CLINT1: variants seen among roughly 807,000 people sequenced by gnomAD.
CLINT1 encodes clathrin interactor 1, also known as clathrin interacting protein localized in the trans-Golgi region.
In CLINT1, 15 loss-of-function variants were observed where a neutral mutation model predicts 70.4. The observed-to-expected ratio is 0.21, with a 90% confidence interval of 0.14 to 0.33. The LOEUF is 0.33. Among genes scored for constraint, CLINT1 ranks in the 10% least tolerant of loss-of-function variants. CLINT1 has a pLI of 1.00. For synonymous variants in CLINT1, 227 were observed against 254.7 expected (o/e 0.89, Z 1.04); for missense variants, 615 against 778.1 (o/e 0.79, Z 2.49).
In CLINT1 at chr5:157,817,553, G is replaced by T; in HGVS notation, c.42-6C>A. On this transcript the variant is annotated splice_polypyrimidine_tract_variant and splice_region_variant and intron_variant, in intron 1 of 11. Transcript: ENST00000411809. ...AATTCATAACAACATTGGTGCTGTAGAGGAAAAAAATGCACGCACACATGC... is the reference window on the plus strand; with the variant it reads ...AATTCATAACAACATTGGTGCTGTATAGGAAAAAAATGCACGCACACATGC... 1 of 1,578,192 alleles carries T rather than the reference G, an allele frequency of 6.3e-7. No individual in the cohort carries two copies.
intron 1 of CLINT1, among the ~76,000 whole-genome samples, chr5:157,854,103 C>CT (rs1157035585): frequency 2.6e-5 from 4 of 152,152 alleles, no homozygotes; most frequent in Non-Finnish European, 1.5e-5. Context: ...TGACAACTAT[C>CT]TTACTATCTC....
chr5:157,796,435 A>G (rs1762069751), intron 8 of CLINT1, among the ~76,000 whole-genome samples: 1 of 152,124 alleles, frequency 6.6e-6, no homozygotes, highest in African/African-American at 2.4e-5. Context: ...AGTCGTCCTT[A>G]TTTTTGTCTG....
At chr5:157,805,353 T>C (rs1266239339) in intron 7 of CLINT1, among the ~76,000 whole-genome samples, 1 of 152,194 alleles carries the variant, frequency 6.6e-6, no homozygotes, top group East Asian at 1.9e-4. Flanking sequence ...TTCATCTCTA[T>C]GGTAAATAAA....
Position 157,787,765 on chromosome 5 carries a change from C to T in CLINT1, c.1759G>A (p.Ala587Thr), listed in dbSNP as rs759387255. Residue 587 changes from alanine to threonine, a missense_variant, in exon 12 of 12, where the codon GCT becomes ACT. This residue lies in a region of CLINT1 where 374 missense variants were observed against 409.6 expected (regional missense o/e 0.91). Transcript: ENST00000411809. The part of the protein sequence containing the change: ...MGMNMNIGMS[A>T]AGMGLTGTMG... Reference sequence around the variant, plus strand: ...GTGCCTGTCAAGCCCATCCCAGCAGCGGACATCCCTATGTTCATGTTCATG... The same window carrying T: ...GTGCCTGTCAAGCCCATCCCAGCAGTGGACATCCCTATGTTCATGTTCATG... The T allele has an allele frequency of 8.6e-5, 138 of 1,614,010 alleles. No individual in the cohort carries two copies. The highest frequency in any genetic ancestry group is 3.3e-5 in the Non-Finnish European group (39 of 1,179,878).
intron 3 of CLINT1, among the ~76,000 whole-genome samples, chr5:157,815,026 G>T (rs1459612497): frequency 7.3e-6 from 1 of 136,296 alleles, no homozygotes; most frequent in African/African-American, 2.7e-5. Flanking sequence ...GAGAAACTCT[G>T]TCTCAAAAAA....
chr5:157,798,659 TAATA>T (rs554358040), intron 8 of CLINT1, among the ~76,000 whole-genome samples: 153 of 152,264 alleles, frequency 1.0e-3, no homozygotes, highest in African/African-American at 3.5e-3. Context: ...TGAATACTCC[TAATA>T]AATAAAGAAC....
intron 1 of CLINT1, among the ~76,000 whole-genome samples, chr5:157,854,525 C>A (rs995878269): frequency 1.3e-5 from 2 of 152,130 alleles, no homozygotes; most frequent in East Asian, 1.9e-4. Flanking sequence ...CTGAGTGTGA[C>A]CCTGTCTCAA....
At chr5:157,788,965 TCAGAAAAAA>T in intron 11 of CLINT1, among the ~76,000 whole-genome samples, 1 of 78,428 alleles carries the variant, frequency 1.3e-5, no homozygotes. Context: ...AGACTCCATC[TCAGAAAAAA>T]AAAAAAAAAA....
chr5:157,829,247 G>A (rs1425043673), intron 1 of CLINT1, among the ~76,000 whole-genome samples: 1 of 152,116 alleles, frequency 6.6e-6, no homozygotes, highest in Non-Finnish European at 1.5e-5. Flanking sequence ...AGGAAAGACT[G>A]GGAATGACAG....
At chr5:157,853,777 CAAAAAAAAA>C (rs11316474) in intron 1 of CLINT1, among the ~76,000 whole-genome samples, 1 of 48,044 alleles carries the variant, frequency 2.1e-5, no homozygotes, top group African/African-American at 7.3e-5. Context: ...GACACCATCT[CAAAAAAAAA>C]AAAAAAAAAA....
At position 157,787,842 on chromosome 5, in the gene CLINT1, A is replaced by G; in HGVS notation, c.1682T>C (p.Met561Thr). ...AGTATTTCCAAGAGGGGCCATTCCCATGGTGCCAGTCATCACATTGGGCAT... is the reference window on the plus strand; with the variant it reads ...AGTATTTCCAAGAGGGGCCATTCCCGTGGTGCCAGTCATCACATTGGGCAT... ...MSMPNVMTGT[M>T]GMAPLGNTPM... The change falls in exon 12 of 12, where the codon ATG (methionine) becomes ACG (threonine). Residue 561 changes from methionine (M) to threonine (T), a missense_variant. Physicochemically the swap from Met to Thr is moderately conservative, Grantham distance 81. Transcript: ENST00000411809. 6.2e-7 allele frequency: 1 copy of G among 1,613,868 alleles called. No individual in the cohort carries two copies.
chr5:157,809,497 T>TAAAAAAAAAAAAAAAAA (rs60217753), intron 6 of CLINT1, 131 bp downstream of exon 6: 1 of 476,366 alleles, frequency 2.1e-6, no homozygotes, highest in Non-Finnish European at 3.4e-6. Flanking sequence ...TGAAGTCTAT[T>TAAAAAAAAAAAAAAAAA]AAAAAAAAAA....
intron 1 of CLINT1, among the ~76,000 whole-genome samples, chr5:157,845,086 C>A (rs1263765661): frequency 6.6e-6 from 1 of 152,200 alleles, no homozygotes; most frequent in East Asian, 1.9e-4. Context: ...CAGTGGCTCA[C>A]GCCTGTAATC....
intron 6 of CLINT1, among the ~76,000 whole-genome samples, chr5:157,807,728 A>C (rs115643246): frequency 6.6e-6 from 1 of 152,268 alleles, no homozygotes; most frequent in Non-Finnish European, 1.5e-5. Context: ...GGCAACATAA[A>C]AAATAAAAAT....
intron 4 of CLINT1, among the ~76,000 whole-genome samples, 169 bp downstream of exon 4, chr5:157,814,016 T>C (rs1762637954): frequency 6.6e-6 from 1 of 152,198 alleles, no homozygotes; most frequent in Non-Finnish European, 1.5e-5. Flanking sequence ...TGCAAGTTCT[T>C]GTCTTCACTA....
intron 1 of CLINT1, among the ~76,000 whole-genome samples, chr5:157,817,970 G>A (rs1762771174): frequency 6.6e-6 from 1 of 152,180 alleles, no homozygotes; most frequent in South Asian, 2.1e-4. Flanking sequence ...GCAAAATTAT[G>A]TAACAGCTGA....
chr5:157,844,687 G>A (rs1395068372), intron 1 of CLINT1, among the ~76,000 whole-genome samples: 1 of 152,160 alleles, frequency 6.6e-6, no homozygotes, highest in Non-Finnish European at 1.5e-5. Context: ...ATTGGAAAAA[G>A]TTGTGCATAA....
chr5:157,787,629 G>C lies in CLINT1; in HGVS notation c.*17C>G. ...CAGCTAAAAATTCTTCATTCAATCT[G>C]CTTCTTTTACAATCTCTTATTTGCT... On this transcript the variant is annotated 3_prime_UTR_variant, in exon 12 of 12. Transcript: ENST00000411809. 1 of 1,604,918 alleles carries C rather than the reference G, an allele frequency of 6.2e-7. No homozygotes were observed. Among genetic ancestry groups the C allele is most frequent in the Non-Finnish European group, 8.5e-7 (1 of 1,172,746 alleles).
chr5:157,831,804 A>T (rs1187151), intron 1 of CLINT1, among the ~76,000 whole-genome samples: 1 of 146,774 alleles, frequency 6.8e-6, no homozygotes, highest in African/African-American at 2.5e-5. Flanking sequence ...AGCGATTCCC[A>T]TCTTACTCTC....
Sources: gnomAD v4.1 joint callset for allele counts (sites outside exome capture counted in the v4.1 genomes callset) on GRCh38, gnomAD v4.1.1 for gene constraint, gnomAD v4.1.1 regional missense constraint, MANE v1.5 for transcripts, NCBI Gene and HGNC (gene_info 2026-07-23, HGNC 2026-07-21) for gene names.